The following ACOXL variants were observed in gnomAD, a reference collection of about 807,000 sequenced individuals.
The protein encoded by ACOXL is acyl-coenzyme A oxidase-like protein.
In ACOXL, 70 loss-of-function variants were observed where a neutral mutation model predicts 71.9. The observed-to-expected ratio is 0.97, with a 90% confidence interval of 0.80 to 1.19. ACOXL has a LOEUF of 1.19. ACOXL is among the 50% of genes most tolerant of loss of function. The pLI is 0.00. For synonymous variants in ACOXL, 253 were observed against 281.6 expected, an observed-to-expected ratio of 0.90 and a Z score of 1.02; for missense variants, 703 against 736.3, an observed-to-expected ratio of 0.95 and a Z score of 0.52.
intron 15 of ACOXL, among the ~76,000 whole-genome samples, chr2:111,036,524 T>A (rs911405219): frequency 3.9e-5 from 6 of 152,150 alleles, no homozygotes; most frequent in African/African-American, 1.4e-4. Context: ...GTCCCAACAT[T>A]GGGGAAGAGA....
intron 12 of ACOXL, among the ~76,000 whole-genome samples, chr2:110,975,037 G>A (rs577947443): frequency 5.9e-5 from 9 of 152,280 alleles, no homozygotes; most frequent in South Asian, 4.2e-4. Context: ...GGGGCAGGCC[G>A]GCTGATGTGT....
chr2:111,000,821 A>G (rs1170887836), intron 14 of ACOXL, among the ~76,000 whole-genome samples: 1 of 152,118 alleles, frequency 6.6e-6, no homozygotes, highest in Non-Finnish European at 1.5e-5. Context: ...CCTCATTTTA[A>G]CTTGATTAGC....
At chr2:110,982,026 C>T (rs770965257) in intron 12 of ACOXL, among the ~76,000 whole-genome samples, 1 of 152,202 alleles carries the variant, frequency 6.6e-6, no homozygotes, top group Non-Finnish European at 1.5e-5. Flanking sequence ...ACAAAACTAA[C>T]CGCTCTTAAG....
At chr2:111,048,296 C>T (rs1486985488) in intron 15 of ACOXL, among the ~76,000 whole-genome samples, 1 of 152,214 alleles carries the variant, frequency 6.6e-6, no homozygotes, top group African/African-American at 2.4e-5. Context: ...GAACTCTTCC[C>T]AGCAGAGAGC....
intron 1 of ACOXL, among the ~76,000 whole-genome samples, chr2:110,759,770 G>A (rs1680149331): frequency 6.6e-6 from 1 of 152,084 alleles, no homozygotes; most frequent in South Asian, 2.1e-4. Flanking sequence ...TATGTTTAAT[G>A]TATGAATTAA....
At chr2:111,005,982 A>G (rs1204279576) in intron 14 of ACOXL, among the ~76,000 whole-genome samples, 1 of 152,250 alleles carries the variant, frequency 6.6e-6, no homozygotes, top group Non-Finnish European at 1.5e-5. Context: ...AAACCAATAC[A>G]GCGGTCTGAA....
At chr2:110,779,389 T>C (rs1683055633) in intron 2 of ACOXL, among the ~76,000 whole-genome samples, 3 of 152,200 alleles carry the variant, frequency 2.0e-5, no homozygotes, top group South Asian at 4.1e-4. Flanking sequence ...GTGTTCACTA[T>C]GGTTGGGGGA....
chr2:110,863,415 G>C (rs1300041030), intron 10 of ACOXL, among the ~76,000 whole-genome samples: 2 of 152,150 alleles, frequency 1.3e-5, no homozygotes, highest in Admixed American at 6.5e-5. Context: ...AACGAAATTT[G>C]CCAAAATATT....
chr2:110,838,775 CAGAATGACTGTGAA>C (rs930029668), intron 9 of ACOXL, among the ~76,000 whole-genome samples: 1 of 152,218 alleles, frequency 6.6e-6, no homozygotes, highest in African/African-American at 2.4e-5. Context: ...GCCATGTTTC[CAGAATGACTGTGAA>C]ATACCCTGTT....
intron 17 of ACOXL, chr2:111,093,357 C>A: frequency 1.7e-6 from 2 of 1,171,098 alleles, no homozygotes; most frequent in South Asian, 1.5e-5. Flanking sequence ...GAATTCAATA[C>A]AATAGCTACG....
chr2:110,752,167 C>G (rs1679074250), intron 1 of ACOXL, among the ~76,000 whole-genome samples: 1 of 152,134 alleles, frequency 6.6e-6, no homozygotes, highest in Non-Finnish European at 1.5e-5. Context: ...TGCCACCACA[C>G]CTGGCTAATT....
chr2:110,809,598 C>T (rs1687071406), intron 9 of ACOXL, among the ~76,000 whole-genome samples: 1 of 152,184 alleles, frequency 6.6e-6, no homozygotes, highest in African/African-American at 2.4e-5. Flanking sequence ...ACAATCTTTT[C>T]CTACGGTGTG....
chr2:111,071,000 T>C (rs2067314909), intron 16 of ACOXL, among the ~76,000 whole-genome samples: 1 of 152,198 alleles, frequency 6.6e-6, no homozygotes, highest in Non-Finnish European at 1.5e-5. Flanking sequence ...CATCTTGGGC[T>C]ACTCAAAATC....
chr2:110,809,112 A>T (rs1157718436), intron 9 of ACOXL, among the ~76,000 whole-genome samples: 2 of 152,218 alleles, frequency 1.3e-5, no homozygotes, highest in African/African-American at 4.8e-5. Context: ...GTTGAGTGGG[A>T]AGGAGGATGT....
chr2:110,775,745 A>G (rs977271716), intron 2 of ACOXL, among the ~76,000 whole-genome samples: 6 of 152,338 alleles, frequency 3.9e-5, no homozygotes, highest in South Asian at 2.1e-4. Flanking sequence ...AAAAACCAGA[A>G]AAGAACAAGT....
chr2:110,739,369 A>G (rs1212247164), intron 1 of ACOXL, among the ~76,000 whole-genome samples: 1 of 152,196 alleles, frequency 6.6e-6, no homozygotes, highest in Non-Finnish European at 1.5e-5. Flanking sequence ...CTCCTTCCTG[A>G]GACCTTGGAG....
Position 111,118,105 on chromosome 2 carries a change from T to A in ACOXL, c.*289T>A. On this transcript the variant is annotated 3_prime_UTR_variant, in exon 18 of 18. Transcript: ENST00000439055. Reference sequence around the variant, plus strand: ...CTTCAGTGCCGGATCCCCTAGACAATCAGGGTGGGCTCCCCGCTGCGAGCG... The same window carrying A: ...CTTCAGTGCCGGATCCCCTAGACAAACAGGGTGGGCTCCCCGCTGCGAGCG... 1.9e-6 allele frequency: 1 copy of A among 520,950 alleles called. No individual in the cohort carries two copies. The highest frequency in any genetic ancestry group is 3.4e-5 in the East Asian group (1 of 29,266). 32.3% of individuals were successfully genotyped at this position (520,950 alleles called of 1,614,324 possible). A position where few individuals can be genotyped will look rare whatever the true frequency, so the allele number is the denominator to read the frequency against.
chr2:110,901,331 T>C (rs1343709154), intron 10 of ACOXL, among the ~76,000 whole-genome samples: 1 of 152,218 alleles, frequency 6.6e-6, no homozygotes, highest in African/African-American at 2.4e-5. Flanking sequence ...CTGCTCTGTA[T>C]GTAGACTATG....
intron 10 of ACOXL, among the ~76,000 whole-genome samples, chr2:110,898,469 A>C (rs2059103517): frequency 6.6e-6 from 1 of 152,252 alleles, no homozygotes; most frequent in Non-Finnish European, 1.5e-5. Flanking sequence ...CTACCATATT[A>C]ACATGCTAAA....
Sources: allele counts gnomAD v4.1 joint callset (sites outside exome capture counted in the v4.1 genomes callset), GRCh38; gene constraint gnomAD v4.1.1; transcripts MANE v1.5; gene names NCBI Gene and HGNC (gene_info 2026-07-23, HGNC 2026-07-21).